Variants in EYS observed in about 807,000 individuals in gnomAD.
The protein encoded by EYS is protein eyes shut homolog.
A neutral mutation model predicts 282.1 loss-of-function variants in EYS; 250 were observed. The ratio of observed to expected loss-of-function variants is 0.89; its 90% CI spans 0.80 to 0.98. EYS has a LOEUF of 0.98. Ranked by LOEUF, EYS falls within the 50% of genes least tolerant of loss-of-function variation. EYS has a pLI of 0.00. For synonymous variants in EYS, 1,355 were observed against 1,282.9 expected (o/e 1.06, Z -1.20); for missense variants, 4,016 against 3,709.0 (o/e 1.08, Z -2.15).
intron 28 of EYS, among the ~76,000 whole-genome samples, chr6:64,389,467 A>C (rs1444528868): frequency 6.6e-6 from 1 of 152,216 alleles, no homozygotes; most frequent in African/African-American, 2.4e-5. Flanking sequence ...CATATGTTTA[A>C]CTAATTGTTT....
At chr6:65,296,172 TA>T in intron 11 of EYS, 53 bp from the exon 12 acceptor site, 1 of 1,394,980 alleles carries the variant, frequency 7.2e-7, no homozygotes, top group Non-Finnish European at 9.6e-7. Context: ...TATTTTGATA[TA>T]TTTAAGTATT....
intron 7 of EYS, among the ~76,000 whole-genome samples, chr6:65,389,742 A>T (rs772023746): frequency 6.6e-6 from 1 of 152,160 alleles, no homozygotes; most frequent in Non-Finnish European, 1.5e-5. Context: ...GGGCTCAGTA[A>T]TCAATTATGA....
chr6:64,865,290 G>A (rs1356532527), intron 19 of EYS, among the ~76,000 whole-genome samples: 2 of 152,132 alleles, frequency 1.3e-5, no homozygotes, highest in Admixed American at 1.3e-4. Context: ...GGTAAGTACT[G>A]TTAAGAAAAT....
intron 12 of EYS, among the ~76,000 whole-genome samples, chr6:65,176,171 A>G (rs576147527): frequency 1.7e-4 from 26 of 151,646 alleles, no homozygotes; most frequent in Non-Finnish European, 3.3e-4. Flanking sequence ...ATTGCTGTAC[A>G]TTAGATTTTC....
At chr6:63,911,953 C>A (rs1048558552) in intron 35 of EYS, among the ~76,000 whole-genome samples, 1 of 152,096 alleles carries the variant, frequency 6.6e-6, no homozygotes, top group Non-Finnish European at 1.5e-5. Context: ...ATTTAAAGGA[C>A]AAGATAGATG....
chr6:64,003,149 C>G (rs1205729457), intron 33 of EYS, among the ~76,000 whole-genome samples: 2 of 152,132 alleles, frequency 1.3e-5, no homozygotes, highest in Non-Finnish European at 2.9e-5. Context: ...GAGATCCTGT[C>G]ATTTGCAACA....
chr6:65,272,438 T>C (rs910739685), intron 12 of EYS, among the ~76,000 whole-genome samples: 8 of 151,940 alleles, frequency 5.3e-5, no homozygotes, highest in African/African-American at 1.9e-4. Context: ...CACTAAAGAG[T>C]GACTTAGGGC....
intron 9 of EYS, among the ~76,000 whole-genome samples, chr6:65,349,823 A>G (rs1250713913): frequency 6.6e-6 from 1 of 151,512 alleles, no homozygotes; most frequent in Non-Finnish European, 1.5e-5. Flanking sequence ...GCTACAGTGT[A>G]ATATATCTTT....
chr6:64,257,067 C>T (rs969769827), intron 30 of EYS, among the ~76,000 whole-genome samples: 1 of 151,990 alleles, frequency 6.6e-6, no homozygotes, highest in African/African-American at 2.4e-5. Flanking sequence ...TCAAAGCTAA[C>T]TCCTGATTCT....
intron 35 of EYS, among the ~76,000 whole-genome samples, chr6:63,927,792 T>C (rs914236921): frequency 6.6e-6 from 1 of 152,194 alleles, no homozygotes; most frequent in African/African-American, 2.4e-5. Flanking sequence ...TACTTTAAGC[T>C]ACTGAATGAA....
intron 5 of EYS, among the ~76,000 whole-genome samples, chr6:65,484,676 C>T (rs73447207): frequency 8.3e-4 from 127 of 152,198 alleles, no homozygotes; most frequent in African/African-American, 2.3e-3. Context: ...TCAGTAGGAA[C>T]GACAGGAAAT....
At chr6:64,125,287 G>A (rs1160697579) in intron 31 of EYS, among the ~76,000 whole-genome samples, 2 of 152,092 alleles carry the variant, frequency 1.3e-5, no homozygotes, top group African/African-American at 4.8e-5. Context: ...AGAGTGCAGG[G>A]AAAAGAGAAT....
chr6:65,294,208 A>T (rs1221812835), intron 12 of EYS, among the ~76,000 whole-genome samples: 1 of 151,850 alleles, frequency 6.6e-6, no homozygotes, highest in Admixed American at 6.6e-5. Context: ...TGCCCCCAAA[A>T]GATTCCACTT....
Position 64,152,916 on chromosome 6 carries a change from G to A in EYS, c.6425-70914C>T, listed in dbSNP as rs116220116. ...AACAATAAAACCCTATGGAGATGAG[G>A]CAAAAACAGTGGTTTAAAAATTGTA... is the stretch of plus-strand genomic sequence containing the variant. On this transcript the variant is annotated intron_variant, in intron 31 of 42. Transcript: ENST00000503581. Among the ~76,000 whole-genome samples the A allele has an allele frequency of 2.9e-3, 446 of 152,202 alleles. 3 individuals are homozygous for A. The highest frequency in any genetic ancestry group is 0.01 in the African/African-American group (426 of 41,540).
chr6:64,122,675 A>C (rs1275942564), intron 31 of EYS, among the ~76,000 whole-genome samples: 2 of 152,178 alleles, frequency 1.3e-5, no homozygotes, highest in Non-Finnish European at 2.9e-5. Flanking sequence ...AAAAAAATGA[A>C]ATAATATTTT....
At chr6:63,846,076 A>G (rs2149700135) in intron 36 of EYS, among the ~76,000 whole-genome samples, 1 of 152,330 alleles carries the variant, frequency 6.6e-6, no homozygotes, top group African/African-American at 2.4e-5. Context: ...GGATTTTACA[A>G]TCCACAAACA....
At chr6:64,081,169 G>T (rs1248531068) in intron 32 of EYS, among the ~76,000 whole-genome samples, 1 of 152,132 alleles carries the variant, frequency 6.6e-6, no homozygotes, top group African/African-American at 2.4e-5. Context: ...AGGTACTAAA[G>T]ACATTACACC....
rs56016694 is a variant in EYS at position 65,141,649 on chromosome 6, G to A, written c.2024-83922C>T. Among the ~76,000 whole-genome samples, 1,113 of 131,296 alleles carry A rather than the reference G, an allele frequency of 8.5e-3. 7 individuals are homozygous for A. The highest frequency in any genetic ancestry group is 0.023 in the African/African-American group (709 of 30,896). The allele number at this position is 131,296 out of a possible 152,430, so 86.1% of individuals were successfully genotyped here. Reference sequence around the variant, plus strand: ...AGTCAGTCTGTCTGTCTGTCTGTCTGTCTATCTATCTATCTATCTATCTAT... The same window carrying A: ...AGTCAGTCTGTCTGTCTGTCTGTCTATCTATCTATCTATCTATCTATCTAT... On this transcript the variant is annotated intron_variant, in intron 12 of 42. Coordinates refer to ENST00000503581, the MANE Select transcript of EYS (RefSeq NM_001142800.2).
chr6:65,134,108 A>C (rs1373669648), intron 12 of EYS, among the ~76,000 whole-genome samples: 1 of 152,120 alleles, frequency 6.6e-6, no homozygotes, highest in Non-Finnish European at 1.5e-5. Flanking sequence ...AAAGTCAAAA[A>C]ACAACAGGTG....
Sources: gnomAD v4.1 joint callset for allele counts (sites outside exome capture counted in the v4.1 genomes callset) on GRCh38, gnomAD v4.1.1 for gene constraint, MANE v1.5 for transcripts, NCBI Gene and HGNC (gene_info 2026-07-23, HGNC 2026-07-21) for gene names.